The following ITGB3BP variants were observed in gnomAD, a reference collection of about 807,000 sequenced individuals.
ITGB3BP encodes the protein integrin subunit beta 3 binding protein.
A neutral mutation model predicts 29.1 loss-of-function variants in ITGB3BP; 27 were observed. That is an observed-to-expected ratio of 0.93 (90% CI 0.68 to 1.28). The LOEUF (loss-of-function observed/expected upper bound fraction) is 1.28. Among genes scored for constraint, ITGB3BP ranks in the 50% most tolerant of loss-of-function variants. The pLI, the probability that ITGB3BP is intolerant of heterozygous loss-of-function variation, is 0.00. For missense variants in ITGB3BP, 192 were observed against 200.2 expected (o/e 0.96, Z 0.25); for synonymous variants, 61 against 61.4 (o/e 0.99, Z 0.03).
chr1:63,491,360 T>G (rs974348410), intron 2 of ITGB3BP, among the ~76,000 whole-genome samples: 8 of 152,156 alleles, frequency 5.3e-5, no homozygotes, highest in African/African-American at 1.2e-4. Context: ...TAAATTAGTA[T>G]GCATGCTACG....
At chr1:63,497,426 T>G (rs1645814431) in intron 2 of ITGB3BP, among the ~76,000 whole-genome samples, 1 of 152,212 alleles carries the variant, frequency 6.6e-6, no homozygotes, top group Non-Finnish European at 1.5e-5. Context: ...ATTGTTGCAG[T>G]AGTGATTGTA....
intron 1 of ITGB3BP, among the ~76,000 whole-genome samples, chr1:63,510,476 A>C (rs750840101): frequency 9.2e-5 from 14 of 152,242 alleles, no homozygotes; most frequent in Non-Finnish European, 1.8e-4. Context: ...AAGCTGAGTT[A>C]AAATAGGCTG....
rs540510558 is a variant in ITGB3BP at position 63,523,092 on chromosome 1, C to T, written c.5+37G>A. 2.7e-5 allele frequency: 44 copies of T among 1,612,208 alleles called. 1 individual carries two copies. The South Asian group carries it at 2.9e-4, about 10-fold the overall frequency. Reference sequence around the variant, plus strand: ...TAATATCTTCTCTTCTTGCAGAGGGCCCCCAAAACAGCAATACCTGGGGAG... The same window carrying T: ...TAATATCTTCTCTTCTTGCAGAGGGTCCCCAAAACAGCAATACCTGGGGAG... On this transcript the variant is annotated intron_variant, in intron 1 of 8. Transcript: ENST00000271002.
intron 4 of ITGB3BP, among the ~76,000 whole-genome samples, chr1:63,462,918 A>C (rs1645040144): frequency 6.6e-6 from 1 of 152,216 alleles, no homozygotes; most frequent in Admixed American, 6.5e-5. Context: ...CATCTAAAAA[A>C]GTTACTCTTC....
intron 8 of ITGB3BP, among the ~76,000 whole-genome samples, chr1:63,445,632 G>A (rs191973658): frequency 3.6e-5 from 5 of 138,432 alleles, no homozygotes; most frequent in Admixed American, 2.8e-4. Context: ...ACAGGGTCTC[G>A]CTCTGTCACC....
At position 63,454,655 on chromosome 1, in the gene ITGB3BP, T is replaced by C. The variant is rs1480606909; in HGVS notation, c.334-182A>G. ...CAAAAATGCCTGAAAAAAAACAATT[T>C]ATAATTAACTAAAAAGACTAAATGT... On this transcript the variant is annotated intron_variant, in intron 5 of 8. Coordinates refer to ENST00000271002, the MANE Select transcript of ITGB3BP (RefSeq NM_014288.5). This position sits in a 1 kb window ranked among gnomAD's most constrained non-coding sequence, Gnocchi z 4.1. Among the ~76,000 whole-genome samples, 3 of 152,130 alleles carry C rather than the reference T, an allele frequency of 2.0e-5. No homozygotes were observed. Among genetic ancestry groups the C allele is most frequent in the African/African-American group, 7.2e-5 (3 of 41,444 alleles).
intron 7 of ITGB3BP, among the ~76,000 whole-genome samples, chr1:63,448,655 GA>G (rs1044532415): frequency 6.6e-6 from 1 of 151,444 alleles, no homozygotes; most frequent in Non-Finnish European, 1.5e-5. Context: ...TAAAAAATGG[GA>G]AAAAAAAGTT....
At chr1:63,466,328 A>G (rs1645099535) in intron 4 of ITGB3BP, among the ~76,000 whole-genome samples, 1 of 152,228 alleles carries the variant, frequency 6.6e-6, no homozygotes, top group South Asian at 2.1e-4. Flanking sequence ...CAGCAGTCAC[A>G]CATGTGGAAC....
intron 4 of ITGB3BP, among the ~76,000 whole-genome samples, chr1:63,462,365 C>G (rs1645031169): frequency 6.6e-6 from 1 of 152,208 alleles, no homozygotes; most frequent in Non-Finnish European, 1.5e-5. Context: ...CTAGTAGCTT[C>G]TTGTGCACTC....
intron 2 of ITGB3BP, among the ~76,000 whole-genome samples, chr1:63,500,101 G>A (rs1645887932): frequency 6.6e-6 from 1 of 152,196 alleles, no homozygotes; most frequent in African/African-American, 2.4e-5. Context: ...GTAGGGCGGG[G>A]GGGCTGTGAC....
intron 2 of ITGB3BP, among the ~76,000 whole-genome samples, chr1:63,501,454 G>C (rs1645928031): frequency 6.6e-6 from 1 of 152,150 alleles, no homozygotes; most frequent in Non-Finnish European, 1.5e-5. Context: ...CCAGGGGGAG[G>C]GGGAGAGGAG....
At chr1:63,525,458 A>C, upstream of ITGB3BP, 1 of 803,424 alleles carries the variant, frequency 1.2e-6, no homozygotes. Flanking sequence ...TATGTTATAA[A>C]TTTTCTTCTA....
At chr1:63,487,911 A>C (rs1210890631) in intron 3 of ITGB3BP, among the ~76,000 whole-genome samples, 1 of 152,132 alleles carries the variant, frequency 6.6e-6, no homozygotes, top group Non-Finnish European at 1.5e-5. Flanking sequence ...ACTAAGCAAT[A>C]GGAATTTTTC....
chr1:63,460,082 A>G (rs546650172), intron 4 of ITGB3BP, among the ~76,000 whole-genome samples: 89 of 152,204 alleles, frequency 5.8e-4, no homozygotes, highest in African/African-American at 2.1e-3. Context: ...GGCTGTCTCA[A>G]GGAGCTTTTC....
At chr1:63,485,304 C>T (rs779933159) in intron 3 of ITGB3BP, among the ~76,000 whole-genome samples, 11 of 152,048 alleles carry the variant, frequency 7.2e-5, no homozygotes, top group East Asian at 1.9e-4. Flanking sequence ...AAGAAGTCAA[C>T]TGATAGATAT....
At chr1:63,478,438 C>T (rs1327692830) in intron 4 of ITGB3BP, among the ~76,000 whole-genome samples, 2 of 152,200 alleles carry the variant, frequency 1.3e-5, no homozygotes, top group Non-Finnish European at 2.9e-5. Context: ...TGTTAAGACA[C>T]TTTGTTCCTA....
At chr1:63,499,861 G>A (rs1645881481) in intron 2 of ITGB3BP, among the ~76,000 whole-genome samples, 1 of 152,160 alleles carries the variant, frequency 6.6e-6, no homozygotes, top group Non-Finnish European at 1.5e-5. Flanking sequence ...AGACATGTAT[G>A]AAAAACTCAG....
chr1:63,497,342 G>T (rs975244908), intron 2 of ITGB3BP, among the ~76,000 whole-genome samples: 5 of 152,064 alleles, frequency 3.3e-5, no homozygotes, highest in Non-Finnish European at 7.4e-5. Context: ...CTTAACTTTT[G>T]AACATTCTGG....
At chr1:63,481,522 G>A (rs929073989) in intron 3 of ITGB3BP, among the ~76,000 whole-genome samples, 1 of 152,074 alleles carries the variant, frequency 6.6e-6, no homozygotes, top group African/African-American at 2.4e-5. Context: ...TATTTTTCTT[G>A]TGAGATTATA....
Sources: allele counts gnomAD v4.1 joint callset (sites outside exome capture counted in the v4.1 genomes callset), GRCh38; gene constraint gnomAD v4.1.1; non-coding constraint Gnocchi (gnomAD v3.1); transcripts MANE v1.5; gene names NCBI Gene and HGNC (gene_info 2026-07-23, HGNC 2026-07-21).